The following CPPED1 variants were observed in gnomAD, a reference collection of about 807,000 sequenced individuals.
CPPED1 encodes the protein calcineurin like phosphoesterase domain containing 1.
A neutral mutation model predicts 28.0 loss-of-function variants in CPPED1; 28 were observed. The observed-to-expected ratio is 1.00, with a 90% CI of 0.74 to 1.37. CPPED1 has a LOEUF of 1.37. CPPED1 is among the 40% of genes most tolerant of loss of function. The pLI is 0.00. For synonymous variants in CPPED1, 198 were observed against 180.2 expected (o/e 1.10, Z -0.79); for missense variants, 504 against 416.5 (o/e 1.21, Z -1.83).
intron 3 of CPPED1, among the ~76,000 whole-genome samples, chr16:12,703,094 C>T (rs2080029067): frequency 6.6e-6 from 1 of 152,030 alleles, no homozygotes; most frequent in African/African-American, 2.4e-5. Context: ...GCTTTATTCT[C>T]CACTACAGAA....
chr16:12,785,143 T>C (rs750279142), intron 1 of CPPED1, among the ~76,000 whole-genome samples: 12 of 152,370 alleles, frequency 7.9e-5, no homozygotes, highest in African/African-American at 2.6e-4. Flanking sequence ...GAATTAAAGA[T>C]ATTTGGAGCT....
chr16:12,766,952 G>C (rs542135802), intron 2 of CPPED1, among the ~76,000 whole-genome samples: 3 of 151,948 alleles, frequency 2.0e-5, no homozygotes, highest in South Asian at 4.2e-4. Flanking sequence ...CAGAACACAA[G>C]AGCATTCAGA....
At chr16:12,794,136 CTGCCAGAATGGTA>C (rs2080612609) in intron 1 of CPPED1, among the ~76,000 whole-genome samples, 1 of 152,116 alleles carries the variant, frequency 6.6e-6, no homozygotes, top group Non-Finnish European at 1.5e-5. Flanking sequence ...CACTGTGAAG[CTGCCAGAATGGTA>C]TGCAGCAGAT....
intron 2 of CPPED1, among the ~76,000 whole-genome samples, chr16:12,767,126 A>G (rs1790666306): frequency 6.6e-6 from 1 of 152,062 alleles, no homozygotes; most frequent in South Asian, 2.1e-4. Context: ...AGGGGCCAAG[A>G]AGTCACACCA....
In CPPED1 at chr16:12,664,562, A is replaced by C. The variant is rs1319245032; in HGVS notation, c.*324T>G. On this transcript the variant is annotated 3_prime_UTR_variant, in exon 4 of 4. Coordinates refer to ENST00000381774, the MANE Select transcript of CPPED1 (RefSeq NM_018340.3). The surrounding 1 kb of genome is among the most constrained non-coding windows in gnomAD (Gnocchi z 4.2). Reference sequence around the variant, plus strand: ...AGGTCGATAGGCAGACTTTGACCATATGCTAACCAGAATACAATCCAATTC... The same window carrying C: ...AGGTCGATAGGCAGACTTTGACCATCTGCTAACCAGAATACAATCCAATTC... The C allele has an allele frequency of 3.5e-6, 4 of 1,137,728 alleles. No homozygotes were observed. Among genetic ancestry groups the C allele is most frequent in the Non-Finnish European group, 4.3e-6 (4 of 927,216 alleles). 70.5% of individuals were successfully genotyped at this position (1,137,728 alleles called of 1,614,324 possible).
rs184303669 is a variant in CPPED1, at chr16:12,664,980, G to A, written c.851C>T (p.Thr284Ile). The A allele has an allele frequency of 2.5e-6, 4 of 1,611,320 alleles. No individual in the cohort carries two copies. In the East Asian group the frequency reaches 8.9e-5, roughly 36 times the overall value. ...GTATCGGTGAACAATTTTCTCGGCG[G>A]TGACCACCACGACTCGGAGCCCGTG... ...DPHGLRVVVV[T>I]AEKIVHRYYS... The change falls in exon 4 of 4, where the codon ACC (threonine) becomes ATC (isoleucine). Residue 284 changes from threonine (T) to isoleucine (I), a missense_variant. Coordinates refer to ENST00000381774, the MANE Select transcript of CPPED1 (RefSeq NM_018340.3). The surrounding 1 kb of genome is among the most constrained non-coding windows in gnomAD (Gnocchi z 4.2).
intron 3 of CPPED1, among the ~76,000 whole-genome samples, chr16:12,701,001 G>C (rs1056789779): frequency 8.5e-5 from 13 of 152,238 alleles, no homozygotes; most frequent in African/African-American, 2.4e-4. Flanking sequence ...ACCCCGGCGG[G>C]AGGGTCACTT....
At chr16:12,735,528 C>T (rs2080222266) in intron 2 of CPPED1, among the ~76,000 whole-genome samples, 1 of 152,232 alleles carries the variant, frequency 6.6e-6, no homozygotes, top group Non-Finnish European at 1.5e-5. Context: ...TGGCCTCAAA[C>T]TCTTGACCTC....
intron 3 of CPPED1, among the ~76,000 whole-genome samples, chr16:12,686,266 G>C (rs56893004): frequency 0.014 from 2,158 of 150,588 alleles, 45 homozygotes; most frequent in African/African-American, 0.049. Flanking sequence ...ATGGGGTCTT[G>C]CTATGTTGCC....
At chr16:12,737,553 T>C (rs972387731) in intron 2 of CPPED1, among the ~76,000 whole-genome samples, 3 of 152,200 alleles carry the variant, frequency 2.0e-5, no homozygotes, top group African/African-American at 7.2e-5. Context: ...GGCAAGGGCA[T>C]ACTCAGGGCT....
At chr16:12,726,900 C>T (rs947314217) in intron 2 of CPPED1, among the ~76,000 whole-genome samples, 11 of 152,102 alleles carry the variant, frequency 7.2e-5, no homozygotes, top group African/African-American at 2.4e-4. Context: ...TGTTAGTGTA[C>T]GGGGCTAGGT....
In CPPED1 at chr16:12,796,619, T is replaced by G. The variant is rs140742927; in HGVS notation, c.70+7088A>C. On this transcript the variant is annotated intron_variant, in intron 1 of 3. Coordinates refer to ENST00000381774, the MANE Select transcript of CPPED1 (RefSeq NM_018340.3). ...TGGAGAAACTGGAACCCATATACACTGCTGGTGGGAATGTAAAATGGCGCA... is the reference window on the plus strand; with the variant it reads ...TGGAGAAACTGGAACCCATATACACGGCTGGTGGGAATGTAAAATGGCGCA... Among the ~76,000 whole-genome samples, 9 of 152,336 alleles carry G rather than the reference T, an allele frequency of 5.9e-5. No homozygotes were observed. In the East Asian group the frequency reaches 1.7e-3, roughly 29 times the overall value.
At position 12,704,922 on chromosome 16, in the gene CPPED1, G is replaced by A. The variant is rs911663541; in HGVS notation, c.417C>T (p.Val139=). ...DIGNTPTAET[V]EEFCRTWGDD... is the part of the protein sequence containing the mutation. ...CTCCCCAAGTCCGGCAGAACTCCTC[G>A]ACGGTCTCGGCCGTGGGGGTGTTGC... Residue 139 remains valine (V), a synonymous_variant, in exon 3 of 4, where the codon GTC becomes GTT. Coordinates refer to ENST00000381774, the MANE Select transcript of CPPED1 (RefSeq NM_018340.3). 10 of 1,614,060 alleles carry A rather than the reference G, an allele frequency of 6.2e-6. No homozygotes were observed. Among genetic ancestry groups the A allele is most frequent in the South Asian group, 2.2e-5 (2 of 91,082 alleles).
intron 3 of CPPED1, among the ~76,000 whole-genome samples, 190 bp downstream of exon 3, chr16:12,704,434 C>T (rs567132346): frequency 3.4e-4 from 52 of 152,116 alleles, no homozygotes; most frequent in Admixed American, 7.9e-4. Context: ...GTTTTATAGA[C>T]GAGGAAACTG....
intron 1 of CPPED1, among the ~76,000 whole-genome samples, chr16:12,789,379 C>G (rs960775857): frequency 6.6e-6 from 1 of 152,164 alleles, no homozygotes; most frequent in Admixed American, 6.5e-5. Context: ...AGGGGCAAAC[C>G]AGGCCCCCAC....
intron 3 of CPPED1, among the ~76,000 whole-genome samples, chr16:12,681,732 G>A (rs1318778142): frequency 6.6e-6 from 1 of 152,048 alleles, no homozygotes; most frequent in East Asian, 1.9e-4. Context: ...AGGTTCAGTG[G>A]TCACAGTTAT....
At chr16:12,742,843 C>G (rs551571281) in intron 2 of CPPED1, among the ~76,000 whole-genome samples, 2 of 152,190 alleles carry the variant, frequency 1.3e-5, no homozygotes, top group African/African-American at 4.8e-5. Context: ...TTTATCTCAG[C>G]AAAAGGACAA....
chr16:12,681,137 TA>T (rs1308390135), intron 3 of CPPED1, among the ~76,000 whole-genome samples: 1 of 85,910 alleles, frequency 1.2e-5, no homozygotes, highest in Non-Finnish European at 2.3e-5. Flanking sequence ...TTTCCCCCCG[TA>T]AAGAATAGCC....
intron 2 of CPPED1, among the ~76,000 whole-genome samples, chr16:12,767,349 T>C (rs781595662): frequency 7.9e-5 from 12 of 152,174 alleles, no homozygotes; most frequent in Non-Finnish European, 1.6e-4. Context: ...CTCAATGCAT[T>C]GGATGATGCC....
Sources: gnomAD v4.1 joint callset for allele counts (sites outside exome capture counted in the v4.1 genomes callset) on GRCh38, gnomAD v4.1.1 for gene constraint, Gnocchi (gnomAD v3.1) non-coding constraint, MANE v1.5 for transcripts, NCBI Gene and HGNC (gene_info 2026-07-23, HGNC 2026-07-21) for gene names.